The following SPTBN4 variants were observed in gnomAD, a reference collection of about 807,000 sequenced individuals.
The protein encoded by SPTBN4 is spectrin beta chain, non-erythrocytic 4.
SPTBN4 carries 96 observed loss-of-function variants against 277.8 expected under a neutral mutation model. The observed-to-expected ratio is 0.35, with a 90% CI of 0.29 to 0.41. The LOEUF (loss-of-function observed/expected upper bound fraction) is 0.41, where lower values mean the gene tolerates loss of function less well. Ranked by LOEUF, SPTBN4 falls within the 10% of genes least tolerant of loss-of-function variation. SPTBN4 has a pLI of 1.00. For missense variants in SPTBN4, 3,006 were observed against 3,595.7 expected, an observed-to-expected ratio of 0.84 and a Z score of 4.19; for synonymous variants, 1,481 against 1,580.3, an observed-to-expected ratio of 0.94 and a Z score of 1.49.
intron 20 of SPTBN4, among the ~76,000 whole-genome samples, chr19:40,538,217 C>T (rs2080759976): frequency 1.3e-5 from 2 of 152,038 alleles, no homozygotes; most frequent in South Asian, 2.1e-4. Context: ...GGCAAAACCC[C>T]GTCTCTACTA....
At position 40,556,021 on chromosome 19, in the gene SPTBN4, G is replaced by A. The variant is rs571266880; in HGVS notation, c.5085-63G>A. On this transcript the variant is annotated intron_variant, in intron 24 of 35. Coordinates refer to ENST00000598249, the MANE Select transcript of SPTBN4 (RefSeq NM_020971.3). ...CCCTGTCCTGGGGAGGGGGTTTAGGGGGGTCACGCTCTGCCCCAGAAGTCT... is the reference window on the plus strand; with the variant it reads ...CCCTGTCCTGGGGAGGGGGTTTAGGAGGGTCACGCTCTGCCCCAGAAGTCT... The A allele has an allele frequency of 7.5e-6, 11 of 1,458,010 alleles. No homozygotes were observed. The African/African-American group carries it at 9.7e-5, about 13-fold the overall frequency. The allele number at this position is 1,458,010 out of a possible 1,614,324, so 90.3% of individuals were successfully genotyped here.
Position 40,554,783 on chromosome 19 carries a change from G to A in SPTBN4, c.5084+137G>A, listed in dbSNP as rs1167310035. On this transcript the variant is annotated intron_variant, in intron 24 of 35. Transcript: ENST00000598249. The surrounding 1 kb of genome is among the most constrained non-coding windows in gnomAD (Gnocchi z 5.7). Reference sequence around the variant, plus strand: ...GCTGTGTGCTGGAGCCCTCGAATTTGGCAAGTGGGCGGGCCGGAATGGGGG... The same window carrying A: ...GCTGTGTGCTGGAGCCCTCGAATTTAGCAAGTGGGCGGGCCGGAATGGGGG... 6 of 1,387,636 alleles carry A rather than the reference G, an allele frequency of 4.3e-6. No individual in the cohort carries two copies. Among genetic ancestry groups the A allele is most frequent in the Non-Finnish European group, 5.9e-6 (6 of 1,018,500 alleles). The allele number at this position is 1,387,636 out of a possible 1,614,324, so 86.0% of individuals were successfully genotyped here. A position where few individuals can be genotyped will look rare whatever the true frequency, so the allele number is the denominator to read the frequency against.
At position 40,565,524 on chromosome 19, in the gene SPTBN4, G is replaced by A. The variant is rs139699793; in HGVS notation, c.6017G>A (p.Arg2006Gln). 309 of 1,614,110 alleles carry A rather than the reference G, an allele frequency of 1.9e-4. 2 individuals are homozygous for A. In the Middle Eastern group the frequency reaches 4.0e-3, roughly 21 times the overall value. Residue 2006 changes from arginine (R) to glutamine (Q), a missense_variant, in exon 28 of 36, where the codon CGA (arginine) becomes CAA (glutamine). Transcript: ENST00000598249. ...PELTTCQELGRSLLLNKSAMA... is the reference protein window; with the variant it reads ...PELTTCQELGQSLLLNKSAMA... ...CTGACCACCTGCCAGGAGCTGGGGC[G>A]ATCTCTGCTGCTCAACAAAAGTGCC...
chr19:40,477,334 C>T (rs554183297), intron 2 of SPTBN4, among the ~76,000 whole-genome samples: 1 of 152,118 alleles, frequency 6.6e-6, no homozygotes, highest in South Asian at 2.1e-4. Context: ...CAGGTGTGAA[C>T]CACTGGAATT....
Position 40,561,442 on chromosome 19 carries a change from A to G in SPTBN4, c.5915+1039A>G, listed in dbSNP as rs568428254. On this transcript the variant is annotated intron_variant, in intron 27 of 35. Transcript: ENST00000598249. ...CATTTACTCAGCAAATATGTATTAA[A>G]TGCATATGGTGTGCCATGTGGTGAG... 3.3e-5 allele frequency among the ~76,000 whole-genome samples: 5 copies of G among 152,362 alleles called. No individual in the cohort carries two copies. The East Asian group carries it at 9.6e-4, about 29-fold the overall frequency.
intron 22 of SPTBN4, among the ~76,000 whole-genome samples, chr19:40,552,312 G>A (rs1473941816): frequency 2.0e-5 from 3 of 151,834 alleles, no homozygotes; most frequent in East Asian, 3.9e-4. Context: ...AAAATTAGCC[G>A]GGCGAGGTGT....
intron 20 of SPTBN4, among the ~76,000 whole-genome samples, chr19:40,544,714 G>A (rs1448654800): frequency 6.6e-6 from 1 of 152,084 alleles, no homozygotes; most frequent in Non-Finnish European, 1.5e-5. Context: ...CTCCCAGAGT[G>A]CTAGGATTAC....
chr19:40,549,024 T>C (rs567944691), intron 20 of SPTBN4, among the ~76,000 whole-genome samples, 165 bp from the exon 21 acceptor site: 2 of 152,202 alleles, frequency 1.3e-5, no homozygotes. Context: ...CTTAGTGTGA[T>C]GCAGGTTCAT....
chr19:40,487,573 T>C, intron 2 of SPTBN4, 124 bp from the exon 3 acceptor site: 1 of 1,273,966 alleles, frequency 7.8e-7, no homozygotes, highest in Non-Finnish European at 1.1e-6. Flanking sequence ...CTCGAACTCC[T>C]ACCTCAGGTG....
intron 5 of SPTBN4, among the ~76,000 whole-genome samples, chr19:40,494,447 TCTC>T (rs2080172146): frequency 6.6e-6 from 1 of 151,396 alleles, no homozygotes; most frequent in South Asian, 2.1e-4. Flanking sequence ...CCCTCTCTTC[TCTC>T]TTCTTTCTTT....
intron 27 of SPTBN4, among the ~76,000 whole-genome samples, chr19:40,563,497 C>A (rs759825885): frequency 6.6e-6 from 1 of 152,162 alleles, no homozygotes; most frequent in African/African-American, 2.4e-5. Context: ...CAAAGCAAAG[C>A]AAATGAAACT....
intron 20 of SPTBN4, among the ~76,000 whole-genome samples, chr19:40,546,570 C>T (rs2145919744): frequency 6.6e-6 from 1 of 152,174 alleles, no homozygotes; most frequent in South Asian, 2.1e-4. Context: ...TACCTGAGTG[C>T]AGTGGCTCAC....
intron 16 of SPTBN4, 29 bp downstream of exon 16, chr19:40,520,180 A>G: frequency 1.6e-6 from 2 of 1,278,436 alleles, no homozygotes. Context: ...CATTTCGGAG[A>G]GGGAGAGTCC....
chr19:40,512,592 T>G lies in SPTBN4; in HGVS notation c.1817-14T>G. On this transcript the variant is annotated splice_polypyrimidine_tract_variant and intron_variant, in intron 13 of 35. Transcript: ENST00000598249. The stretch of plus-strand genomic sequence containing the variant: ...TTGTGACCAATCCTGGATGCTCCCC[T>G]TCTCCTGGCTCAGGCTACCAGCCCT... 2 of 1,519,464 alleles carry G rather than the reference T, an allele frequency of 1.3e-6. No individual in the cohort carries two copies. Among genetic ancestry groups the G allele is most frequent in the Non-Finnish European group, 1.8e-6 (2 of 1,141,280 alleles). The allele number at this position is 1,519,464 out of a possible 1,614,324, so 94.1% of individuals were successfully genotyped here.
At position 40,515,745 on chromosome 19, in the gene SPTBN4, C is replaced by T. The variant is rs763811123; in HGVS notation, c.2903+297C>T. On this transcript the variant is annotated intron_variant, in intron 15 of 35. Coordinates refer to ENST00000598249, the MANE Select transcript of SPTBN4 (RefSeq NM_020971.3). This position sits in a 1 kb window ranked among gnomAD's most constrained non-coding sequence, Gnocchi z 4.1. ...TTTCTAAAGTATCCCAACATTCTTC[C>T]GGGCACAGTGGCTCATACTGTAATC... Among the ~76,000 whole-genome samples the T allele has an allele frequency of 3.4e-4, 51 of 151,744 alleles. No individual in the cohort carries two copies. The highest frequency in any genetic ancestry group is 5.4e-4 in the Non-Finnish European group (37 of 67,948).
intron 20 of SPTBN4, among the ~76,000 whole-genome samples, chr19:40,535,946 C>T (rs910750881): frequency 6.6e-6 from 1 of 151,582 alleles, no homozygotes; most frequent in Non-Finnish European, 1.5e-5. Context: ...GGAGACAGAG[C>T]GAGACTCCAT....
At chr19:40,572,273 A>G in intron 34 of SPTBN4, 65 bp from the exon 35 acceptor site, 2 of 1,607,568 alleles carry the variant, frequency 1.2e-6, no homozygotes, top group South Asian at 2.2e-5. Flanking sequence ...CCTGGGGGAC[A>G]CTTGGTGGGC....
chr19:40,556,389 T>TCACAGCAGAGC, intron 25 of SPTBN4, 101 bp downstream of exon 25: 2 of 1,067,026 alleles, frequency 1.9e-6, no homozygotes, highest in Non-Finnish European at 2.7e-6. Context: ...AGCACCCGCC[T>TCACAGCAGAGC]CATGGCTCTG....
At chr19:40,479,780 T>C (rs909450125) in intron 2 of SPTBN4, among the ~76,000 whole-genome samples, 2 of 149,714 alleles carry the variant, frequency 1.3e-5, no homozygotes, top group Non-Finnish European at 3.0e-5. Flanking sequence ...AAATGAGTAC[T>C]CTCTTGTAAC....
Sources: allele counts gnomAD v4.1 joint callset (sites outside exome capture counted in the v4.1 genomes callset), GRCh38; gene constraint gnomAD v4.1.1; non-coding constraint Gnocchi (gnomAD v3.1); transcripts MANE v1.5; gene names NCBI Gene and HGNC (gene_info 2026-07-23, HGNC 2026-07-21).